TRAM2: variants seen among roughly 807,000 people sequenced by gnomAD.
The protein encoded by TRAM2 is translocation associated membrane protein 2, also known as translocating chain-associated membrane protein 2.
Under a neutral mutation model 51.0 loss-of-function variants are expected in TRAM2, and 12 were observed. The ratio of observed to expected loss-of-function variants is 0.24; its 90% CI spans 0.15 to 0.38. TRAM2 has a LOEUF of 0.38. Ranked by LOEUF, TRAM2 falls within the 10% of genes least tolerant of loss-of-function variation. The pLI, the probability that TRAM2 is intolerant of heterozygous loss-of-function variation, is 1.00. For missense variants in TRAM2, 361 were observed against 462.0 expected (o/e 0.78, Z 2.00); for synonymous variants, 175 against 179.4 (o/e 0.98, Z 0.20).
In TRAM2 at chr6:52,516,581, A is replaced by G. The variant is rs747423823; in HGVS notation, c.294+47T>C. 3 of 1,529,102 alleles carry G rather than the reference A, an allele frequency of 2.0e-6. No homozygotes were observed. In the African/African-American group the frequency reaches 4.1e-5, roughly 21 times the overall value. 94.7% of individuals were successfully genotyped at this position (1,529,102 alleles called of 1,614,324 possible). A position where few individuals can be genotyped will look rare whatever the true frequency, so the allele number is the denominator to read the frequency against. On this transcript the variant is annotated intron_variant, in intron 3 of 10. Coordinates refer to ENST00000182527, the MANE Select transcript of TRAM2 (RefSeq NM_012288.4). ...CTCCAAGGCCAGGTCCTCCACCCCA[A>G]GGCACCTCCCCAGCTTCTGATCTCA...
At chr6:52,537,013 C>T (rs1766986074) in intron 1 of TRAM2, among the ~76,000 whole-genome samples, 1 of 152,134 alleles carries the variant, frequency 6.6e-6, no homozygotes. Context: ...CCTGTGTTGC[C>T]CAGACATGCC....
rs954100480 is a variant in TRAM2 at position 52,500,011 on chromosome 6, G to A, written c.*3186C>T. On this transcript the variant is annotated 3_prime_UTR_variant, in exon 11 of 11. Transcript: ENST00000182527. ...CTCCCATCATCACTGCACCTCCAAG[G>A]AGGGGAGCGGGTAGCACAGATCCTT... 6 of 152,196 alleles carry A rather than the reference G, an allele frequency of 3.9e-5. No individual in the cohort carries two copies. Among genetic ancestry groups the A allele is most frequent in the African/African-American group, 7.2e-5 (3 of 41,436 alleles). The allele number at this position is 152,196 out of a possible 1,614,324, so 9.4% of individuals were successfully genotyped here. A position where few individuals can be genotyped will look rare whatever the true frequency, so the allele number is the denominator to read the frequency against.
At chr6:52,560,249 TA>T (rs749424944) in intron 1 of TRAM2, among the ~76,000 whole-genome samples, 3,542 of 127,334 alleles carry the variant, frequency 0.028, 107 homozygotes, top group African/African-American at 0.083. Context: ...CTGTCTCAAA[TA>T]AAAAAAAAAA....
chr6:52,531,031 T>C (rs1183723550), intron 2 of TRAM2, among the ~76,000 whole-genome samples: 1 of 145,272 alleles, frequency 6.9e-6, no homozygotes, highest in Non-Finnish European at 1.5e-5. Flanking sequence ...TTACTGGCTC[T>C]ACTAAAATTC....
intron 1 of TRAM2, 143 bp from the exon 2 acceptor site, chr6:52,535,989 G>A: frequency 1.6e-6 from 1 of 642,918 alleles, no homozygotes; most frequent in Non-Finnish European, 2.6e-6. Flanking sequence ...GTTAGCATTA[G>A]TTTTTGTTCT....
At chr6:52,532,320 T>G (rs1293567017) in intron 2 of TRAM2, among the ~76,000 whole-genome samples, 1 of 152,142 alleles carries the variant, frequency 6.6e-6, no homozygotes, top group Non-Finnish European at 1.5e-5. Context: ...TCTGGGTATG[T>G]GGGGTATGAT....
chr6:52,542,213 A>G (rs1341188745), intron 1 of TRAM2, among the ~76,000 whole-genome samples: 4 of 151,904 alleles, frequency 2.6e-5, no homozygotes, highest in Non-Finnish European at 5.9e-5. Flanking sequence ...TCAGGCAGAC[A>G]AGAAAACCTT....
intron 1 of TRAM2, among the ~76,000 whole-genome samples, chr6:52,569,906 T>C (rs1377747552): frequency 1.3e-5 from 2 of 152,134 alleles, no homozygotes; most frequent in East Asian, 3.9e-4. Flanking sequence ...GAATTCAAAT[T>C]CACTAGAATT....
intron 2 of TRAM2, among the ~76,000 whole-genome samples, chr6:52,519,187 G>A (rs1049288049): frequency 6.6e-6 from 1 of 152,194 alleles, no homozygotes; most frequent in African/African-American, 2.4e-5. Flanking sequence ...TGAGCAAGGT[G>A]GGCACAGCCC....
intron 1 of TRAM2, among the ~76,000 whole-genome samples, chr6:52,573,314 C>T (rs771382987): frequency 2.0e-5 from 3 of 152,126 alleles, no homozygotes; most frequent in Non-Finnish European, 2.9e-5. Flanking sequence ...AACCAGCTGT[C>T]CACACCCTGG....
At chr6:52,560,389 A>G (rs1767478705) in intron 1 of TRAM2, among the ~76,000 whole-genome samples, 1 of 152,184 alleles carries the variant, frequency 6.6e-6, no homozygotes, top group Non-Finnish European at 1.5e-5. Flanking sequence ...ATATAAACAT[A>G]AAGTTTCTTT....
Position 52,503,075 on chromosome 6 carries a change from C to G in TRAM2, c.*122G>C, listed in dbSNP as rs1365176114. The G allele has an allele frequency of 6.2e-6, 5 of 811,252 alleles. No individual in the cohort carries two copies. Among genetic ancestry groups the G allele is most frequent in the Non-Finnish European group, 1.0e-5 (5 of 477,536 alleles). 50.3% of individuals were successfully genotyped at this position (811,252 alleles called of 1,614,324 possible). Reference sequence around the variant, plus strand: ...AACGCCCCCTCCCCCCATTGCAAGACAGGTTTCGGCTGTTTGAGACGGAGC... The same window carrying G: ...AACGCCCCCTCCCCCCATTGCAAGAGAGGTTTCGGCTGTTTGAGACGGAGC... On this transcript the variant is annotated 3_prime_UTR_variant, in exon 11 of 11. Transcript: ENST00000182527.
chr6:52,535,408 C>T (rs747330089), intron 2 of TRAM2, among the ~76,000 whole-genome samples: 2 of 152,184 alleles, frequency 1.3e-5, no homozygotes, highest in Non-Finnish European at 2.9e-5. Context: ...CACAGCTAGG[C>T]GTGGTGGCTC....
intron 2 of TRAM2, among the ~76,000 whole-genome samples, chr6:52,519,810 T>TAA (rs541387664): frequency 8.2e-4 from 120 of 145,558 alleles, no homozygotes; most frequent in Non-Finnish European, 6.2e-4. Context: ...GATTCAGCCT[T>TAA]AAAAAAAAAA....
At chr6:52,569,496 T>C (rs1047155386) in intron 1 of TRAM2, among the ~76,000 whole-genome samples, 5 of 151,792 alleles carry the variant, frequency 3.3e-5, no homozygotes, top group Admixed American at 1.3e-4. Context: ...ATAACGTATG[T>C]ATAAGGGTAC....
At chr6:52,512,449 TTTTCCAGACCTC>T (rs1357789032) in intron 4 of TRAM2, among the ~76,000 whole-genome samples, 2 of 152,068 alleles carry the variant, frequency 1.3e-5, no homozygotes, top group Admixed American at 1.3e-4. Context: ...GAGAACAGCC[TTTTCCAGACCTC>T]TGTCCAGGCA....
intron 2 of TRAM2, among the ~76,000 whole-genome samples, chr6:52,535,239 T>A (rs1251526035): frequency 6.6e-6 from 1 of 151,952 alleles, no homozygotes; most frequent in Non-Finnish European, 1.5e-5. Flanking sequence ...GAGAAAGGAG[T>A]AGGAGCTGCA....
chr6:52,573,166 T>C (rs1767707712), intron 1 of TRAM2, among the ~76,000 whole-genome samples: 1 of 152,108 alleles, frequency 6.6e-6, no homozygotes, highest in African/African-American at 2.4e-5. Context: ...TTTTCCTCAT[T>C]CTCCATTCGC....
At chr6:52,519,642 A>G (rs6902651) in intron 2 of TRAM2, among the ~76,000 whole-genome samples, 120,401 of 152,112 alleles carry the variant, frequency 0.79, 47,811 homozygotes, top group East Asian at 0.94. Context: ...TCCACTTCTG[A>G]GTGTTGGGGT....
Sources: gnomAD v4.1 joint callset for allele counts (sites outside exome capture counted in the v4.1 genomes callset) on GRCh38, gnomAD v4.1.1 for gene constraint, MANE v1.5 for transcripts, NCBI Gene and HGNC (gene_info 2026-07-23, HGNC 2026-07-21) for gene names.